EPHB1: variants seen among roughly 807,000 people sequenced by gnomAD.
The protein encoded by EPHB1 is EPH receptor B1.
In EPHB1, 30 loss-of-function variants were observed where a neutral mutation model predicts 94.4. The ratio of observed to expected loss-of-function variants is 0.32; its 90% CI spans 0.24 to 0.43. The LOEUF is 0.43. Ranked by LOEUF, EPHB1 falls within the 20% of genes least tolerant of loss-of-function variation. The pLI, the probability that EPHB1 is intolerant of heterozygous loss-of-function variation, is 1.00. For synonymous variants in EPHB1, 522 were observed against 489.1 expected (o/e 1.07, Z -0.89); for missense variants, 1,055 against 1,308.3 (o/e 0.81, Z 2.99).
At chr3:134,884,594 A>T (rs530773678) in intron 1 of EPHB1, among the ~76,000 whole-genome samples, 1 of 152,330 alleles carries the variant, frequency 6.6e-6, no homozygotes, top group East Asian at 1.9e-4. Context: ...TAGTTAAGTA[A>T]AATATCAAAA....
chr3:134,869,957 C>T (rs960631498), intron 1 of EPHB1, among the ~76,000 whole-genome samples: 2 of 152,152 alleles, frequency 1.3e-5, no homozygotes, highest in African/African-American at 4.8e-5. Flanking sequence ...ACTCATGGGG[C>T]ACACATGCAA....
intron 1 of EPHB1, among the ~76,000 whole-genome samples, chr3:134,910,794 C>T (rs2038436793): frequency 6.6e-6 from 1 of 152,198 alleles, no homozygotes; most frequent in Non-Finnish European, 1.5e-5. Flanking sequence ...CAAGAGTGTG[C>T]CGTACTCTCA....
intron 3 of EPHB1, among the ~76,000 whole-genome samples, chr3:135,017,511 C>T (rs1334467108): frequency 1.3e-5 from 2 of 152,126 alleles, no homozygotes; most frequent in South Asian, 2.1e-4. Context: ...GCAGGGGAAT[C>T]GGACCATAGC....
At chr3:134,830,857 C>T (rs937664338) in intron 1 of EPHB1, among the ~76,000 whole-genome samples, 4 of 152,058 alleles carry the variant, frequency 2.6e-5, no homozygotes, top group Admixed American at 1.3e-4. Flanking sequence ...TCTTTGTCCT[C>T]GATACAAGGG....
intron 3 of EPHB1, among the ~76,000 whole-genome samples, chr3:135,011,279 T>C (rs1300372628): frequency 6.6e-6 from 1 of 152,196 alleles, no homozygotes; most frequent in Non-Finnish European, 1.5e-5. Context: ...TTTTAGGTCA[T>C]TTGATTTTTT....
chr3:135,022,387 A>T (rs897112750), intron 3 of EPHB1, among the ~76,000 whole-genome samples: 1 of 152,214 alleles, frequency 6.6e-6, no homozygotes, highest in Non-Finnish European at 1.5e-5. Context: ...TACTAACTTC[A>T]TAAAATGAAC....
intron 1 of EPHB1, among the ~76,000 whole-genome samples, chr3:134,882,761 C>CTTT (rs59448814): frequency 0.014 from 434 of 31,212 alleles, 14 homozygotes; most frequent in African/African-American, 0.024. Context: ...TTTCTTCCTT[C>CTTT]CTTCCTTTCT....
chr3:135,157,690 T>C lies in EPHB1; in HGVS notation c.1422+3414T>C, dbSNP rs1316879389. Reference sequence around the variant, plus strand: ...GTGGAATGCTCCTTCACTTACGAAGTGCTTGACTACAAAGTCCATTACATT... The same window carrying C: ...GTGGAATGCTCCTTCACTTACGAAGCGCTTGACTACAAAGTCCATTACATT... On this transcript the variant is annotated intron_variant, in intron 6 of 15. Transcript: ENST00000398015. Among the ~76,000 whole-genome samples, 61 of 152,242 alleles carry C rather than the reference T, an allele frequency of 4.0e-4. 1 individual carries two copies. The highest frequency in any genetic ancestry group is 2.9e-5 in the Non-Finnish European group (2 of 68,042).
At chr3:135,212,663 GTGCT>G (rs1943057948) in intron 12 of EPHB1, among the ~76,000 whole-genome samples, 1 of 152,146 alleles carries the variant, frequency 6.6e-6, no homozygotes, top group South Asian at 2.1e-4. Flanking sequence ...AGCCCTAATT[GTGCT>G]GAATTCGTTC....
intron 3 of EPHB1, among the ~76,000 whole-genome samples, chr3:135,027,122 A>G (rs1356850717): frequency 2.0e-5 from 3 of 149,164 alleles, no homozygotes; most frequent in East Asian, 3.9e-4. Context: ...GGGCTGAGAC[A>G]ATGGGGTTTT....
intron 1 of EPHB1, among the ~76,000 whole-genome samples, chr3:134,798,493 C>T (rs558931589): frequency 1.1e-4 from 16 of 152,314 alleles, no homozygotes; most frequent in Admixed American, 5.2e-4. Context: ...CCCCACACTC[C>T]CGCATTTCCA....
chr3:135,097,784 C>G (rs1387149210), intron 3 of EPHB1, among the ~76,000 whole-genome samples: 1 of 152,212 alleles, frequency 6.6e-6, no homozygotes, highest in Non-Finnish European at 1.5e-5. Context: ...GAACTGGAGA[C>G]TCATTTGGCT....
At chr3:135,244,257 G>A (rs1053572593) in intron 13 of EPHB1, among the ~76,000 whole-genome samples, 1 of 152,142 alleles carries the variant, frequency 6.6e-6, no homozygotes, top group Non-Finnish European at 1.5e-5. Context: ...TAGATCCCAG[G>A]ACGTTTGCTT....
At chr3:134,852,055 C>T (rs1395367209) in intron 1 of EPHB1, among the ~76,000 whole-genome samples, 1 of 152,162 alleles carries the variant, frequency 6.6e-6, no homozygotes, top group Non-Finnish European at 1.5e-5. Context: ...GATTATGTGC[C>T]CCATGTCCCT....
intron 3 of EPHB1, among the ~76,000 whole-genome samples, chr3:134,963,224 A>G (rs4429672): frequency 0.1 from 15,136 of 150,518 alleles, 884 homozygotes; most frequent in Non-Finnish European, 0.13. Context: ...AAGTGAAAAT[A>G]TTCATGTTAA....
intron 3 of EPHB1, among the ~76,000 whole-genome samples, chr3:134,966,598 T>C (rs1357981494): frequency 2.6e-5 from 4 of 152,252 alleles, no homozygotes; most frequent in Non-Finnish European, 4.4e-5. Flanking sequence ...GAGCAATTGG[T>C]GGCTTCTCTT....
chr3:134,909,402 G>C lies in EPHB1; in HGVS notation c.59-16414G>C, dbSNP rs868244193. On this transcript the variant is annotated intron_variant, in intron 1 of 15. Transcript: ENST00000398015. ...CAAGCGGAGACTGCGTGACCACCTG[G>C]GTAGGGTGCTGTGGCCAAGGCTCAA... Among the ~76,000 whole-genome samples, 29 of 152,232 alleles carry C rather than the reference G, an allele frequency of 1.9e-4. 1 individual carries two copies.
chr3:134,892,803 C>T (rs1171072243), intron 1 of EPHB1, among the ~76,000 whole-genome samples: 2 of 151,984 alleles, frequency 1.3e-5, no homozygotes, highest in African/African-American at 4.8e-5. Context: ...GCCCTCCCCT[C>T]CCTCCCTCTA....
At chr3:135,175,332 T>C (rs531629371) in intron 9 of EPHB1, among the ~76,000 whole-genome samples, 17 of 152,342 alleles carry the variant, frequency 1.1e-4, no homozygotes, top group Admixed American at 5.9e-4. Context: ...CTCCATTCCA[T>C]GCAACAAGGT....
Sources: allele counts gnomAD v4.1 joint callset (sites outside exome capture counted in the v4.1 genomes callset), GRCh38; gene constraint gnomAD v4.1.1; transcripts MANE v1.5; gene names NCBI Gene and HGNC (gene_info 2026-07-23, HGNC 2026-07-21).